The following FNDC3B variants were observed in gnomAD, a reference collection of about 807,000 sequenced individuals.
The protein encoded by FNDC3B is fibronectin type III domain containing 3B, also known as fibronectin type III domain-containing protein 3B.
In FNDC3B, 12 loss-of-function variants were observed where a neutral mutation model predicts 151.5. That is an observed-to-expected ratio of 0.08 (90% CI 0.05 to 0.13). The LOEUF is 0.13. Ranked by LOEUF, FNDC3B falls within the 10% of genes least tolerant of loss-of-function variation. The probability of loss-of-function intolerance (pLI) is 1.00; values close to 1 mark genes in which losing one functional copy is unlikely to be tolerated. For synonymous variants in FNDC3B, 528 were observed against 549.0 expected, an observed-to-expected ratio of 0.96 and a Z score of 0.54; for missense variants, 1,214 against 1,505.3, an observed-to-expected ratio of 0.81 and a Z score of 3.20.
chr3:172,084,486 T>TACACACAC (rs58030452), intron 1 of FNDC3B, among the ~76,000 whole-genome samples: 1 of 149,434 alleles, frequency 6.7e-6, no homozygotes, highest in Non-Finnish European at 1.5e-5. Flanking sequence ...CACACACACA[T>TACACACAC]ACACACACAC....
chr3:172,040,084 A>T lies in FNDC3B; in HGVS notation c.-29+313A>T, dbSNP rs545908292. ...AACGGGTAGATTCCTCTTAAAAAAA[A>T]TTGGGCAGTGGCTCGCGGCCTCCCC... On this transcript the variant is annotated intron_variant, in intron 1 of 25. Coordinates refer to ENST00000415807, the MANE Select transcript of FNDC3B (RefSeq NM_022763.4). The surrounding 1 kb of genome is among the most constrained non-coding windows in gnomAD (Gnocchi z 6.6). Among the ~76,000 whole-genome samples, 11 of 152,182 alleles carry T rather than the reference A, an allele frequency of 7.2e-5. No homozygotes were observed. The South Asian group carries it at 2.1e-3, about 29-fold the overall frequency.
intron 23 of FNDC3B, among the ~76,000 whole-genome samples, chr3:172,368,881 G>T (rs1409088160): frequency 6.6e-6 from 1 of 152,136 alleles, no homozygotes; most frequent in Non-Finnish European, 1.5e-5. Context: ...CATGGTGGCA[G>T]ATGCCTATAG....
chr3:172,377,021 C>T (rs1735183579), intron 23 of FNDC3B, among the ~76,000 whole-genome samples: 2 of 152,200 alleles, frequency 1.3e-5, no homozygotes, highest in Admixed American at 1.3e-4. Flanking sequence ...CCAGCTAACG[C>T]ACAGGGATTA....
chr3:172,108,125 G>T (rs1031186804), intron 1 of FNDC3B, among the ~76,000 whole-genome samples: 2 of 151,618 alleles, frequency 1.3e-5, no homozygotes, highest in African/African-American at 4.9e-5. Flanking sequence ...CTGAGATCAC[G>T]CCACTGCACT....
At chr3:172,131,046 T>C (rs1415123150) in intron 2 of FNDC3B, among the ~76,000 whole-genome samples, 3 of 152,224 alleles carry the variant, frequency 2.0e-5, no homozygotes, top group Admixed American at 6.5e-5. Flanking sequence ...TGTATATTTA[T>C]GTAAAAATAA....
chr3:172,376,597 A>G (rs1222583349), intron 23 of FNDC3B, among the ~76,000 whole-genome samples: 1 of 152,230 alleles, frequency 6.6e-6, no homozygotes, highest in Non-Finnish European at 1.5e-5. Flanking sequence ...ATTAGCAAGG[A>G]TGTCTTCATT....
chr3:172,177,825 T>C (rs2108647004), intron 3 of FNDC3B, among the ~76,000 whole-genome samples: 1 of 152,072 alleles, frequency 6.6e-6, no homozygotes, highest in Admixed American at 6.5e-5. Flanking sequence ...ATGCATTAGT[T>C]ATTTGTCCTG....
At chr3:172,061,318 C>G (rs933072125) in intron 1 of FNDC3B, among the ~76,000 whole-genome samples, 1 of 151,632 alleles carries the variant, frequency 6.6e-6, no homozygotes, top group African/African-American at 2.4e-5. Flanking sequence ...CTGCAAGCTC[C>G]GCCTCCCGGG....
At chr3:172,370,028 ATGTTTTGAAAGGTACCATT>A (rs1734810481) in intron 23 of FNDC3B, among the ~76,000 whole-genome samples, 1 of 152,114 alleles carries the variant, frequency 6.6e-6, no homozygotes, top group Admixed American at 6.6e-5. Context: ...ATTGTGAAAC[ATGTTTTGAAAGGTACCATT>A]TGCAGCCTTT....
intron 25 of FNDC3B, among the ~76,000 whole-genome samples, chr3:172,386,704 G>C (rs76457251): frequency 6.8e-6 from 1 of 147,068 alleles, no homozygotes; most frequent in Non-Finnish European, 1.5e-5. Context: ...TCGTGCCACT[G>C]CACTCCAGCC....
intron 23 of FNDC3B, among the ~76,000 whole-genome samples, chr3:172,377,180 A>G (rs1357890076): frequency 2.0e-5 from 3 of 152,374 alleles, no homozygotes; most frequent in South Asian, 4.1e-4. Flanking sequence ...TTAGTGGCCA[A>G]CTTCCAGTAT....
intron 1 of FNDC3B, among the ~76,000 whole-genome samples, chr3:172,107,204 G>C (rs1719698839): frequency 6.6e-6 from 1 of 152,188 alleles, no homozygotes; most frequent in Admixed American, 6.5e-5. Flanking sequence ...GTTATGTGTG[G>C]TTAGGGGGAG....
At chr3:172,085,223 C>T (rs945665804) in intron 1 of FNDC3B, among the ~76,000 whole-genome samples, 1 of 152,014 alleles carries the variant, frequency 6.6e-6, no homozygotes, top group Non-Finnish European at 1.5e-5. Flanking sequence ...GATTTTTTTG[C>T]GTTTGGTTTT....
chr3:172,269,162 G>A (rs903757058), intron 6 of FNDC3B, among the ~76,000 whole-genome samples: 2 of 152,218 alleles, frequency 1.3e-5, no homozygotes, highest in African/African-American at 4.8e-5. Context: ...AGCAGCATTA[G>A]AAACAAGGAC....
At chr3:172,151,496 G>C (rs1401377950) in intron 3 of FNDC3B, among the ~76,000 whole-genome samples, 1 of 151,874 alleles carries the variant, frequency 6.6e-6, no homozygotes, top group East Asian at 1.9e-4. Flanking sequence ...TGTTAACCAA[G>C]AGAGATATAT....
chr3:172,304,285 C>T (rs951185406), intron 9 of FNDC3B, among the ~76,000 whole-genome samples: 2 of 152,238 alleles, frequency 1.3e-5, no homozygotes, highest in African/African-American at 2.4e-5. Flanking sequence ...GGCTGTTTCC[C>T]TGCCTTCCTC....
At chr3:172,257,764 C>G (rs1189872548) in intron 6 of FNDC3B, among the ~76,000 whole-genome samples, 1 of 152,142 alleles carries the variant, frequency 6.6e-6, no homozygotes. Flanking sequence ...CATCTAGAAG[C>G]TTGTGAGACA....
intron 6 of FNDC3B, 114 bp from the exon 7 acceptor site, chr3:172,285,812 T>A: frequency 1.4e-6 from 1 of 734,898 alleles, no homozygotes; most frequent in Non-Finnish European, 2.3e-6. Context: ...AAATTCATGA[T>A]AACAGGCAAC....
intron 3 of FNDC3B, among the ~76,000 whole-genome samples, chr3:172,143,494 T>C (rs1394662915): frequency 2.0e-5 from 3 of 152,214 alleles, no homozygotes; most frequent in African/African-American, 7.2e-5. Flanking sequence ...TATTAACAAA[T>C]ATTTTAGGTT....
Sources: allele counts gnomAD v4.1 joint callset (sites outside exome capture counted in the v4.1 genomes callset), GRCh38; gene constraint gnomAD v4.1.1; non-coding constraint Gnocchi (gnomAD v3.1); transcripts MANE v1.5; gene names NCBI Gene and HGNC (gene_info 2026-07-23, HGNC 2026-07-21).